PCGF5: variants seen among roughly 807,000 people sequenced by gnomAD.
PCGF5 encodes the protein polycomb group ring finger 5.
A neutral mutation model predicts 44.3 loss-of-function variants in PCGF5; 9 were observed. The ratio of observed to expected loss-of-function variants is 0.20; its 90% CI spans 0.12 to 0.35. The LOEUF is 0.35. Among genes scored for constraint, PCGF5 ranks in the 10% least tolerant of loss-of-function variants. The pLI is 1.00. For synonymous variants in PCGF5, 95 were observed against 102.5 expected, an observed-to-expected ratio of 0.93 and a Z score of 0.44; for missense variants, 146 against 305.3, an observed-to-expected ratio of 0.48 and a Z score of 3.89.
At chr10:91,163,030 C>T (rs1187770332) in exon 1 of PCGF5, 2 of 147,520 alleles carry the variant, frequency 1.4e-5, no homozygotes, top group East Asian at 4.0e-4. Context: ...CGCGCGCTCG[C>T]GCACCACGCG....
At chr10:91,224,527 A>G (rs939006407) in intron 2 of PCGF5, among the ~76,000 whole-genome samples, 5 of 152,218 alleles carry the variant, frequency 3.3e-5, no homozygotes, top group African/African-American at 1.2e-4. Context: ...GATAAGTAGT[A>G]TGAAAAAGAA....
At chr10:91,247,287 T>A (rs373063285) in intron 3 of PCGF5, among the ~76,000 whole-genome samples, 1 of 152,058 alleles carries the variant, frequency 6.6e-6, no homozygotes, top group Non-Finnish European at 1.5e-5. Flanking sequence ...TAAAAAATAA[T>A]TTTTAAGTTT....
At chr10:91,261,520 T>C (rs1845908094) in intron 7 of PCGF5, 96 bp downstream of exon 7, 4 of 1,265,262 alleles carry the variant, frequency 3.2e-6, no homozygotes, top group Admixed American at 7.1e-5. Context: ...TTCAAATTAA[T>C]TTTTGTGGAA....
intron 1 of PCGF5, among the ~76,000 whole-genome samples, chr10:91,194,241 G>C (rs1307080231): frequency 6.6e-6 from 1 of 152,230 alleles, no homozygotes; most frequent in Non-Finnish European, 1.5e-5. Context: ...TGATGGTTAA[G>C]ATAACAACTT....
chr10:91,210,887 T>G (rs1465734246), intron 1 of PCGF5, among the ~76,000 whole-genome samples: 1 of 152,256 alleles, frequency 6.6e-6, no homozygotes, highest in African/African-American at 2.4e-5. Context: ...TTCTCTCATT[T>G]AAATGTAGAA....
At chr10:91,251,177 A>T in intron 5 of PCGF5, 115 bp from the exon 6 acceptor site, 1 of 770,852 alleles carries the variant, frequency 1.3e-6, no homozygotes. Context: ...TCTTCTTCAA[A>T]AACTGTTAGG....
intron 6 of PCGF5, among the ~76,000 whole-genome samples, chr10:91,255,935 C>G (rs925611808): frequency 6.6e-6 from 1 of 151,914 alleles, no homozygotes; most frequent in Non-Finnish European, 1.5e-5. Context: ...ACTTGTAATA[C>G]CTAATACAAT....
chr10:91,167,510 A>G (rs10881893), intron 1 of PCGF5, among the ~76,000 whole-genome samples: 46,097 of 152,130 alleles, frequency 0.3, 9,778 homozygotes, highest in African/African-American at 0.61. Context: ...AATCGGCAAA[A>G]ATGTAGGGAC....
intron 1 of PCGF5, among the ~76,000 whole-genome samples, chr10:91,187,007 C>A (rs528381670): frequency 4.6e-5 from 7 of 152,174 alleles, no homozygotes; most frequent in Non-Finnish European, 8.8e-5. Context: ...TATTACATTG[C>A]AGATTCTGGT....
chr10:91,217,115 G>C (rs1472954122), upstream of PCGF5, among the ~76,000 whole-genome samples: 5 of 151,878 alleles, frequency 3.3e-5, no homozygotes, highest in African/African-American at 4.8e-5. Flanking sequence ...CTCACTGCAA[G>C]TTCCACCTCC....
chr10:91,274,709 A>G (rs1280674829), intron 9 of PCGF5, among the ~76,000 whole-genome samples: 2 of 152,192 alleles, frequency 1.3e-5, no homozygotes, highest in African/African-American at 4.8e-5. Context: ...GAGGTGGTGG[A>G]TTGTTGATCA....
chr10:91,277,016 T>C (rs573848734), intron 9 of PCGF5, among the ~76,000 whole-genome samples: 13 of 152,118 alleles, frequency 8.5e-5, no homozygotes, highest in Non-Finnish European at 1.8e-4. Context: ...ACCAGAACAG[T>C]TTTAGAAGTT....
At chr10:91,225,996 A>C (rs1397293099) in intron 2 of PCGF5, among the ~76,000 whole-genome samples, 2 of 152,242 alleles carry the variant, frequency 1.3e-5, no homozygotes, top group African/African-American at 4.8e-5. Context: ...AGAAATGTTA[A>C]GTGACATTGT....
chr10:91,161,359 T>C (rs1319695787), upstream of PCGF5, among the ~76,000 whole-genome samples: 1 of 152,196 alleles, frequency 6.6e-6, no homozygotes, highest in East Asian at 1.9e-4. Context: ...ACACTTTTCC[T>C]AATGGGACTG....
At chr10:91,242,520 C>T (rs1478242111) in intron 3 of PCGF5, among the ~76,000 whole-genome samples, 1 of 152,028 alleles carries the variant, frequency 6.6e-6, no homozygotes, top group Non-Finnish European at 1.5e-5. Context: ...TGATTCTGAC[C>T]ATTAGATACC....
chr10:91,238,601 C>CTTTTTTTTTTTTTTTTTTTTTT lies in PCGF5; in HGVS notation c.113-1874_113-1853dup, dbSNP rs71487496. Among the ~76,000 whole-genome samples the CTTTTTTTTTTTTTTTTTTTTTT allele has an allele frequency of 1.4e-3, 80 of 58,504 alleles. 1 individual carries two copies. The highest frequency in any genetic ancestry group is 1.7e-3 in the Non-Finnish European group (56 of 32,776). The allele number at this position is 58,504 out of a possible 152,430, so 38.4% of individuals were successfully genotyped here. On this transcript the variant is annotated intron_variant, in intron 2 of 9. Coordinates refer to ENST00000336126, the MANE Select transcript of PCGF5 (RefSeq NM_032373.5). ...CTCTCATTTCTTTCTTTCTTTCTTT[C>CTTTTTTTTTTTTTTTTTTTTTT]TTTTTTTTTTTTTTTTTTTTTTTTT...
rs1379652116 is a variant in PCGF5, at chr10:91,281,346, C to T, written c.*3030C>T. On this transcript the variant is annotated 3_prime_UTR_variant, in exon 10 of 10. Coordinates refer to ENST00000336126, the MANE Select transcript of PCGF5 (RefSeq NM_032373.5). ...GTAATGACTTTGCTCAACTACATTA[C>T]ACACTCAAATGTAATCTAAATTTAA... 6.6e-6 allele frequency: 1 copy of T among 152,450 alleles called. No individual in the cohort carries two copies. The highest frequency in any genetic ancestry group is 2.4e-5 in the African/African-American group (1 of 41,426). 9.4% of individuals were successfully genotyped at this position (152,450 alleles called of 1,614,324 possible).
chr10:91,234,626 G>T (rs1224661818), intron 2 of PCGF5, among the ~76,000 whole-genome samples: 1 of 152,200 alleles, frequency 6.6e-6, no homozygotes, highest in Non-Finnish European at 1.5e-5. Context: ...ATATTATTCA[G>T]TATTGTGATG....
At chr10:91,189,023 T>C (rs374519943) in intron 1 of PCGF5, among the ~76,000 whole-genome samples, 1 of 152,344 alleles carries the variant, frequency 6.6e-6, no homozygotes, top group Non-Finnish European at 1.5e-5. Flanking sequence ...TAGGTGATTA[T>C]GGATTTAAAG....
Sources: gnomAD v4.1 joint callset for allele counts (sites outside exome capture counted in the v4.1 genomes callset) on GRCh38, gnomAD v4.1.1 for gene constraint, MANE v1.5 for transcripts, NCBI Gene and HGNC (gene_info 2026-07-23, HGNC 2026-07-21) for gene names.